The following TAFA5 variants were observed in gnomAD, a reference collection of about 807,000 sequenced individuals.
TAFA5 encodes TAFA chemokine like family member 5.
TAFA5 carries 6 observed loss-of-function variants against 15.3 expected under a neutral mutation model. The observed-to-expected ratio is 0.39, with a 90% confidence interval of 0.21 to 0.77. The LOEUF is 0.77. Ranked by LOEUF, TAFA5 falls within the 30% of genes least tolerant of loss-of-function variation. The pLI is 0.41. For missense variants in TAFA5, 161 were observed against 193.1 expected (o/e 0.83, Z 0.98); for synonymous variants, 103 against 80.7 (o/e 1.28, Z -1.48).
chr22:48,489,591 CA>C lies in TAFA5; in HGVS notation c.1del. On this transcript the variant is annotated 5_prime_UTR_variant, in exon 1 of 4. Coordinates refer to ENST00000402357, the MANE Select transcript of TAFA5 (RefSeq NM_001082967.3). This position sits in a 1 kb window ranked among gnomAD's most constrained non-coding sequence, Gnocchi z 5.5. Reference sequence around the variant, plus strand: ...GCCCCCCGCGCGGGCGCCGCGGCTTCAATGGCGCCATCGCCCAGGACCGGCA... The same window carrying C: ...GCCCCCCGCGCGGGCGCCGCGGCTTCATGGCGCCATCGCCCAGGACCGGCA... 6.8e-7 allele frequency: 1 copy of C among 1,461,104 alleles called. No individual in the cohort carries two copies. Among genetic ancestry groups the C allele is most frequent in the Non-Finnish European group, 9.1e-7 (1 of 1,099,258 alleles). 90.5% of individuals were successfully genotyped at this position (1,461,104 alleles called of 1,614,324 possible).
At chr22:48,728,520 G>A (rs767021339) in intron 3 of TAFA5, among the ~76,000 whole-genome samples, 32 of 152,132 alleles carry the variant, frequency 2.1e-4, no homozygotes, top group Admixed American at 1.1e-3. Flanking sequence ...GGATGAATTC[G>A]TATATTAAAG....
chr22:48,623,992 C>T (rs1201805528), intron 1 of TAFA5, among the ~76,000 whole-genome samples: 1 of 152,112 alleles, frequency 6.6e-6, no homozygotes, highest in African/African-American at 2.4e-5. Flanking sequence ...ATCCAGAATT[C>T]CTTAGTTTTG....
At chr22:48,741,292 G>A (rs1008487938) in intron 3 of TAFA5, among the ~76,000 whole-genome samples, 7 of 152,048 alleles carry the variant, frequency 4.6e-5, no homozygotes, top group Non-Finnish European at 1.0e-4. Flanking sequence ...CTCACCCCTG[G>A]GTCCCTCCCT....
intron 2 of TAFA5, among the ~76,000 whole-genome samples, chr22:48,656,753 CTCTTT>C (rs1409853539): frequency 2.4e-4 from 1 of 4,110 alleles, no homozygotes; most frequent in Non-Finnish European, 5.7e-4. Flanking sequence ...GAGATGGAGT[CTCTTT>C]TTTTTTTTTT....
At chr22:48,569,132 G>T (rs575467077) in intron 1 of TAFA5, among the ~76,000 whole-genome samples, 17 of 152,270 alleles carry the variant, frequency 1.1e-4, no homozygotes, top group Admixed American at 4.6e-4. Flanking sequence ...GCCTGGTTTT[G>T]GCCTCTGTGG....
chr22:48,675,788 C>T (rs1049023526), intron 2 of TAFA5, among the ~76,000 whole-genome samples: 64 of 152,384 alleles, frequency 4.2e-4, no homozygotes, highest in Non-Finnish European at 3.5e-4. Flanking sequence ...TCAAGACCCA[C>T]CCTGTCCTCC....
At chr22:48,515,338 A>G (rs1921366527) in intron 1 of TAFA5, among the ~76,000 whole-genome samples, 1 of 152,224 alleles carries the variant, frequency 6.6e-6, no homozygotes, top group African/African-American at 2.4e-5. Context: ...GCGTCCTCTC[A>G]GCAGTGGGCT....
intron 1 of TAFA5, among the ~76,000 whole-genome samples, chr22:48,537,426 A>G (rs1922207707): frequency 6.6e-6 from 1 of 152,228 alleles, no homozygotes; most frequent in Admixed American, 6.5e-5. Context: ...ACCCCAGGGC[A>G]GGCCATGTCT....
chr22:48,652,202 C>T (rs1477697647), intron 2 of TAFA5, among the ~76,000 whole-genome samples: 3 of 152,222 alleles, frequency 2.0e-5, no homozygotes, highest in African/African-American at 2.4e-5. Flanking sequence ...CCACCAGGAG[C>T]GACGTGAATC....
intron 2 of TAFA5, among the ~76,000 whole-genome samples, chr22:48,677,232 G>C (rs57844584): frequency 0.031 from 4,690 of 152,352 alleles, 245 homozygotes; most frequent in African/African-American, 0.11. Flanking sequence ...TTTTCCTGCT[G>C]TCAGGGCAGG....
chr22:48,654,554 T>A (rs1486269072), intron 2 of TAFA5, among the ~76,000 whole-genome samples: 1 of 152,258 alleles, frequency 6.6e-6, no homozygotes, highest in Non-Finnish European at 1.5e-5. Context: ...GACCCCAGGC[T>A]GTGCTGCCCA....
intron 1 of TAFA5, among the ~76,000 whole-genome samples, chr22:48,511,108 T>C (rs886986495): frequency 1.1e-4 from 16 of 152,188 alleles, no homozygotes; most frequent in African/African-American, 3.9e-4. Flanking sequence ...TGGTCTCTGC[T>C]GGGAAGTGGG....
chr22:48,737,069 C>T (rs1251569978), intron 3 of TAFA5, among the ~76,000 whole-genome samples: 1 of 152,114 alleles, frequency 6.6e-6, no homozygotes, highest in African/African-American at 2.4e-5. Context: ...GGGCTCTGCT[C>T]TGACAGCACA....
Position 48,750,154 on chromosome 22 carries a change from AGAGGAGGAG to A in TAFA5, c.*318_*326del. 1 of 452,644 alleles carries A rather than the reference AGAGGAGGAG, an allele frequency of 2.2e-6. No homozygotes were observed. Among genetic ancestry groups the A allele is most frequent in the South Asian group, 2.9e-5 (1 of 34,528 alleles). 28.0% of individuals were successfully genotyped at this position (452,644 alleles called of 1,614,324 possible). A position where few individuals can be genotyped will look rare whatever the true frequency, so the allele number is the denominator to read the frequency against. ...CCGTGGCGTTGGCCCTGCTGTCCTC[AGAGGAGGAG>A]GAGGAGGAGGCAGCTCCGGCAGCCA... On this transcript the variant is annotated 3_prime_UTR_variant, in exon 4 of 4. Coordinates refer to ENST00000402357, the MANE Select transcript of TAFA5 (RefSeq NM_001082967.3).
chr22:48,511,963 A>C (rs1921230652), intron 1 of TAFA5, among the ~76,000 whole-genome samples: 3 of 152,228 alleles, frequency 2.0e-5, no homozygotes, highest in Non-Finnish European at 4.4e-5. Context: ...CACCATTGCT[A>C]GGCTGAGGCC....
intron 3 of TAFA5, among the ~76,000 whole-genome samples, chr22:48,715,581 G>A (rs1216079584): frequency 1.3e-5 from 2 of 152,196 alleles, no homozygotes; most frequent in Non-Finnish European, 2.9e-5. Flanking sequence ...CAGGTGGAAG[G>A]GTGTGGTTGT....
At chr22:48,639,463 C>A (rs564320229) in intron 1 of TAFA5, among the ~76,000 whole-genome samples, 1 of 152,358 alleles carries the variant, frequency 6.6e-6, no homozygotes, top group East Asian at 1.9e-4. Flanking sequence ...GGCAGGATCA[C>A]ACGGTTTGTG....
chr22:48,500,176 G>A (rs1448834411), intron 1 of TAFA5, among the ~76,000 whole-genome samples: 1 of 151,994 alleles, frequency 6.6e-6, no homozygotes, highest in Non-Finnish European at 1.5e-5. Context: ...CGGAGGTGAC[G>A]CGGCAGGGTT....
intron 3 of TAFA5, among the ~76,000 whole-genome samples, chr22:48,709,619 G>A (rs1338099914): frequency 1.3e-5 from 2 of 152,158 alleles, no homozygotes; most frequent in Non-Finnish European, 2.9e-5. Context: ...CTTCTCAGTC[G>A]CCCTTTGATG....
Sources: allele counts gnomAD v4.1 joint callset (sites outside exome capture counted in the v4.1 genomes callset), GRCh38; gene constraint gnomAD v4.1.1; non-coding constraint Gnocchi (gnomAD v3.1); transcripts MANE v1.5; gene names NCBI Gene and HGNC (gene_info 2026-07-23, HGNC 2026-07-21).